FGF13: variants seen among roughly 807,000 people sequenced by gnomAD.
FGF13 encodes fibroblast growth factor 13, also known as fibroblast growth factor homologous factor 2.
In FGF13, 2 loss-of-function variants were observed where a neutral mutation model predicts 19.5. That is an observed-to-expected ratio of 0.10 (90% CI 0.04 to 0.32). The LOEUF is 0.32. Ranked by LOEUF, FGF13 falls within the 10% of genes least tolerant of loss-of-function variation. The pLI is 1.00. For synonymous variants in FGF13, 72 were observed against 76.9 expected (o/e 0.94, Z 0.33); for missense variants, 113 against 192.7 (o/e 0.59, Z 2.45).
At chrX:139,118,839 T>C (rs1457112130) in intron 1 of FGF13, among the ~76,000 whole-genome samples, 1 of 110,112 alleles carries the variant, frequency 9.1e-6, no homozygotes, top group Non-Finnish European at 1.9e-5. Flanking sequence ...CTGGGCAACA[T>C]ATGGAGACCC....
chrX:138,831,250 G>A (rs2091071012), intron 3 of FGF13, among the ~76,000 whole-genome samples: 1 of 111,875 alleles, frequency 8.9e-6, no homozygotes, highest in African/African-American at 3.2e-5. Context: ...TTGTCACAGG[G>A]GTGGAGCCAC....
At chrX:138,966,058 T>A (rs943309675) in intron 1 of FGF13, among the ~76,000 whole-genome samples, 1 of 111,726 alleles carries the variant, frequency 9.0e-6, no homozygotes, top group Admixed American at 9.5e-5. Context: ...GGTGTGTCCA[T>A]GAGGGTGTTG....
At chrX:139,047,485 G>A (rs1473832843) in intron 1 of FGF13, among the ~76,000 whole-genome samples, 1 of 110,721 alleles carries the variant, frequency 9.0e-6, no homozygotes, top group Non-Finnish European at 1.9e-5. Context: ...TGCCATGCTG[G>A]TGCGCTGCAC....
In FGF13 at chrX:138,843,516, AT is replaced by A. The variant is rs766683346; in HGVS notation, c.217+13995del. On this transcript the variant is annotated intron_variant, in intron 3 of 6. Coordinates refer to the FGF13 transcript ENST00000436198. ...CATGAATGCAGTATTTTCTTTCTAC[AT>A]TTTTTTTATTTCAATAGATGTTTTG... Among the ~76,000 whole-genome samples the A allele has an allele frequency of 2.1e-4, 23 of 111,408 alleles. No individual in the cohort carries two copies. In the East Asian group the frequency reaches 2.8e-3, roughly 14 times the overall value.
rs746902225 is a variant in FGF13 at position 138,763,246 on chromosome X, A to C, written c.218-54318T>G. 5.4e-5 allele frequency among the ~76,000 whole-genome samples: 6 copies of C among 110,671 alleles called. No individual in the cohort carries two copies. The South Asian group carries it at 2.3e-3, about 42-fold the overall frequency. ...GTTACACTACACACATCTTATGTAA[A>C]TATATAATATATTATGCAGATCACA... On this transcript the variant is annotated intron_variant, in intron 3 of 6. Transcript: ENST00000436198.
At chrX:138,984,995 T>G (rs762898559) in intron 1 of FGF13, 30 of 353,687 alleles carry the variant, frequency 8.5e-5, no homozygotes, top group Non-Finnish European at 1.6e-4. Flanking sequence ...GACATCACAC[T>G]TAATCATACT....
rs2089120132 is a variant in FGF13 at position 138,631,856 on chromosome X, G to A, written c.*994C>T. 1 of 112,130 alleles carries A rather than the reference G, an allele frequency of 8.9e-6. No homozygotes were observed. Among genetic ancestry groups the A allele is most frequent in the Non-Finnish European group, 1.9e-5 (1 of 53,189 alleles). 9.2% of individuals were successfully genotyped at this position (112,130 alleles called of 1,213,427 possible). On this transcript the variant is annotated 3_prime_UTR_variant, in exon 5 of 5. Coordinates refer to ENST00000315930, the MANE Select transcript of FGF13 (RefSeq NM_004114.5). ...TTTTCCAGTAGCAAGTATAATATAT[G>A]TTGTTGAGGGAAAACCAGTCTTAAC...
chrX:139,048,296 T>G (rs1417750884), intron 1 of FGF13, among the ~76,000 whole-genome samples: 1 of 111,464 alleles, frequency 9.0e-6, no homozygotes, highest in Non-Finnish European at 1.9e-5. Flanking sequence ...TACCTGGATC[T>G]GTATTCTCCA....
intron 1 of FGF13, among the ~76,000 whole-genome samples, chrX:138,867,236 C>A (rs938056862): frequency 1.4e-4 from 15 of 110,423 alleles, no homozygotes; most frequent in African/African-American, 4.6e-4. Context: ...AGTGAGACCA[C>A]ATCTCTACAA....
Position 139,171,227 on chromosome X carries a change from AAAG to A in FGF13, c.-113+32186_-113+32188del, listed in dbSNP as rs1028853052. ...GAGCTGACAGCATATTCTTATGCTG[AAAG>A]AATAAGGATGCATTCTTGGGGCTAC... On this transcript the variant is annotated intron_variant, in intron 1 of 2. Transcript: ENST00000421460. 3.6e-5 allele frequency among the ~76,000 whole-genome samples: 4 copies of A among 112,164 alleles called. No homozygotes were observed. In the Admixed American group the frequency reaches 3.8e-4, roughly 11 times the overall value.
At chrX:139,185,009 T>C (rs1049689802) in intron 1 of FGF13, among the ~76,000 whole-genome samples, 2 of 111,617 alleles carry the variant, frequency 1.8e-5, no homozygotes, top group Non-Finnish European at 3.8e-5. Flanking sequence ...CTAGTTCACA[T>C]ACAGATGAAA....
chrX:139,009,742 A>G (rs901653252), intron 1 of FGF13, among the ~76,000 whole-genome samples: 1 of 111,852 alleles, frequency 8.9e-6, no homozygotes, highest in Non-Finnish European at 1.9e-5. Context: ...CAATAACACA[A>G]TGAAAGAAAA....
intron 1 of FGF13, among the ~76,000 whole-genome samples, chrX:139,146,761 C>T (rs1015658247): frequency 8.9e-6 from 1 of 111,813 alleles, no homozygotes; most frequent in Admixed American, 9.5e-5. Flanking sequence ...AAATGTGGCA[C>T]ATATACCCCA....
At chrX:139,139,573 C>T (rs756908450) in intron 1 of FGF13, among the ~76,000 whole-genome samples, 13 of 112,022 alleles carry the variant, frequency 1.2e-4, no homozygotes, top group Admixed American at 3.8e-4. Context: ...GGATTGAAAG[C>T]GGGGAAAATT....
intron 3 of FGF13, among the ~76,000 whole-genome samples, chrX:138,768,315 A>C (rs2090516493): frequency 8.9e-6 from 1 of 112,165 alleles, no homozygotes; most frequent in Non-Finnish European, 1.9e-5. Flanking sequence ...CTCTGGAGTC[A>C]GATAGTCCAA....
At chrX:139,139,061 A>G (rs79031254) in intron 1 of FGF13, among the ~76,000 whole-genome samples, 6,935 of 108,463 alleles carry the variant, frequency 0.064, 577 homozygotes, top group African/African-American at 0.22. Flanking sequence ...TCCCAAAGTA[A>G]CTGAGATTGC....
At position 138,627,311 on chromosome X, in the gene FGF13, C is replaced by G. The variant is rs1372260323; in HGVS notation, c.*5539G>C. 8.9e-6 allele frequency: 1 copy of G among 111,758 alleles called. No individual in the cohort carries two copies. The highest frequency in any genetic ancestry group is 1.9e-5 in the Non-Finnish European group (1 of 53,203). 9.2% of individuals were successfully genotyped at this position (111,758 alleles called of 1,213,427 possible). On this transcript the variant is annotated 3_prime_UTR_variant, in exon 5 of 5. Coordinates refer to ENST00000315930, the MANE Select transcript of FGF13 (RefSeq NM_004114.5). ...CTCAATCATTATCCCATACGTTTCT[C>G]TTACTCTAATTGCTAACTTTACACA...
upstream of FGF13, among the ~76,000 whole-genome samples, chrX:138,742,327 T>C (rs755584436): frequency 1.3e-4 from 15 of 112,252 alleles, no homozygotes; most frequent in South Asian, 3.0e-3. Flanking sequence ...CACACACATA[T>C]TCACAGGTTA....
chrX:139,148,605 A>T (rs1025440826), intron 1 of FGF13, among the ~76,000 whole-genome samples: 3 of 81,618 alleles, frequency 3.7e-5, no homozygotes, highest in Non-Finnish European at 6.9e-5. Flanking sequence ...CCATTGGTTT[A>T]AAAAAAAAAA....
Sources: allele counts gnomAD v4.1 joint callset (sites outside exome capture counted in the v4.1 genomes callset), GRCh38; gene constraint gnomAD v4.1.1; transcripts MANE v1.5; gene names NCBI Gene and HGNC (gene_info 2026-07-23, HGNC 2026-07-21).